The following EDIL3 variants were observed in gnomAD, a reference collection of about 807,000 sequenced individuals.
The protein encoded by EDIL3 is EGF like and discoidin domains 3.
EDIL3 carries 37 observed loss-of-function variants against 67.4 expected under a neutral mutation model. The ratio of observed to expected loss-of-function variants is 0.55; its 90% confidence interval spans 0.42 to 0.72. EDIL3 has a LOEUF of 0.72. EDIL3 is among the 30% of genes least tolerant of loss of function. EDIL3 has a pLI of 0.00. For synonymous variants in EDIL3, 195 were observed against 196.3 expected, an observed-to-expected ratio of 0.99 and a Z score of 0.05; for missense variants, 527 against 586.3, an observed-to-expected ratio of 0.90 and a Z score of 1.04.
At chr5:84,043,011 T>C (rs1267362065) in intron 9 of EDIL3, among the ~76,000 whole-genome samples, 1 of 152,208 alleles carries the variant, frequency 6.6e-6, no homozygotes, top group Non-Finnish European at 1.5e-5. Context: ...AGCATGTGAA[T>C]ATCTGCAGAA....
chr5:84,293,084 C>T (rs996224606), intron 1 of EDIL3, among the ~76,000 whole-genome samples: 6 of 152,132 alleles, frequency 3.9e-5, no homozygotes, highest in African/African-American at 1.4e-4. Flanking sequence ...TGGGCTGACC[C>T]CTCCGCTACA....
At chr5:84,054,516 AT>A (rs1259585563) in intron 9 of EDIL3, among the ~76,000 whole-genome samples, 1 of 152,190 alleles carries the variant, frequency 6.6e-6, no homozygotes, top group Non-Finnish European at 1.5e-5. Context: ...AGGAAGTCAA[AT>A]TGTCCCTGTT....
chr5:84,262,661 T>TTTTTTTTTTTA (rs1745253709), intron 1 of EDIL3, among the ~76,000 whole-genome samples: 1 of 40,658 alleles, frequency 2.5e-5, no homozygotes, highest in South Asian at 1.0e-3. Context: ...GTTGGTTGGT[T>TTTTTTTTTTTA]TTTTTTTTTT....
chr5:84,382,263 G>T (rs908725392), intron 1 of EDIL3, among the ~76,000 whole-genome samples: 1 of 152,240 alleles, frequency 6.6e-6, no homozygotes, highest in Non-Finnish European at 1.5e-5. Flanking sequence ...GAACCAGGAT[G>T]GAGAGTCCAG....
chr5:84,077,770 T>C (rs1232718611), intron 6 of EDIL3, among the ~76,000 whole-genome samples: 1 of 152,076 alleles, frequency 6.6e-6, no homozygotes, highest in Non-Finnish European at 1.5e-5. Context: ...AAATCATATC[T>C]TCTCCCTTCT....
intron 5 of EDIL3, 25 bp from the exon 6 acceptor site, chr5:84,106,855 A>G (rs1747474280): frequency 6.3e-7 from 1 of 1,581,168 alleles, no homozygotes; most frequent in Non-Finnish European, 8.6e-7. Context: ...AGGAAAAAAT[A>G]TGAATGTATT....
At chr5:83,982,393 TTAAA>T (rs1744985330) in intron 9 of EDIL3, among the ~76,000 whole-genome samples, 1 of 152,264 alleles carries the variant, frequency 6.6e-6, no homozygotes, top group South Asian at 2.1e-4. Flanking sequence ...AAGCATTTCA[TTAAA>T]TAGCCTCTTT....
At chr5:84,052,332 C>T (rs1357464739) in intron 9 of EDIL3, among the ~76,000 whole-genome samples, 2 of 152,166 alleles carry the variant, frequency 1.3e-5, no homozygotes, top group Non-Finnish European at 1.5e-5. Context: ...AAAGGAACAA[C>T]CAGTACCAGC....
intron 9 of EDIL3, among the ~76,000 whole-genome samples, chr5:83,975,904 T>A (rs1339441804): frequency 2.6e-5 from 4 of 151,930 alleles, no homozygotes; most frequent in African/African-American, 9.7e-5. Flanking sequence ...GTCTCAAGCT[T>A]CTGGCTTATT....
At chr5:84,253,954 A>T in intron 2 of EDIL3, 130 bp downstream of exon 2, 2 of 850,540 alleles carry the variant, frequency 2.4e-6, no homozygotes, top group Non-Finnish European at 3.3e-6. Context: ...TGAGAATCCT[A>T]CACAAAAGTA....
chr5:84,360,565 A>G (rs1276748024), intron 1 of EDIL3, among the ~76,000 whole-genome samples: 4 of 152,200 alleles, frequency 2.6e-5, no homozygotes, highest in Non-Finnish European at 5.9e-5. Context: ...TAAATAAGGA[A>G]TAAGTAATGC....
chr5:84,132,414 ATATTATATATTTT>A (rs1747996352), intron 5 of EDIL3, among the ~76,000 whole-genome samples: 1 of 118,168 alleles, frequency 8.5e-6, no homozygotes, highest in African/African-American at 3.7e-5. Flanking sequence ...ATTTTAACAT[ATATTATATATTTT>A]ATATATAATA....
chr5:84,370,409 G>T (rs1311549874), intron 1 of EDIL3, among the ~76,000 whole-genome samples: 1 of 152,196 alleles, frequency 6.6e-6, no homozygotes, highest in Non-Finnish European at 1.5e-5. Flanking sequence ...AGGAGGGAAA[G>T]AAGTTATGCT....
At chr5:83,985,492 C>T (rs1398091802) in intron 9 of EDIL3, among the ~76,000 whole-genome samples, 2 of 151,924 alleles carry the variant, frequency 1.3e-5, no homozygotes, top group Non-Finnish European at 2.9e-5. Flanking sequence ...TGGTGCAGTG[C>T]TTGGAAAGCT....
intron 9 of EDIL3, among the ~76,000 whole-genome samples, chr5:83,979,399 A>G (rs1744927323): frequency 6.6e-6 from 1 of 152,110 alleles, no homozygotes; most frequent in Non-Finnish European, 1.5e-5. Flanking sequence ...TGATTCAGGA[A>G]TTGCACTCCT....
At chr5:84,295,844 T>G (rs1746041439) in intron 1 of EDIL3, among the ~76,000 whole-genome samples, 1 of 152,180 alleles carries the variant, frequency 6.6e-6, no homozygotes, top group African/African-American at 2.4e-5. Flanking sequence ...GACATGTTTT[T>G]AATTGATGAA....
chr5:84,046,472 C>T (rs533773671), intron 9 of EDIL3, among the ~76,000 whole-genome samples: 6 of 152,286 alleles, frequency 3.9e-5, no homozygotes, highest in Middle Eastern at 3.4e-3. Flanking sequence ...GCTGAATCCC[C>T]TTTAGACCAC....
chr5:84,267,914 A>G (rs1745381738), intron 1 of EDIL3, among the ~76,000 whole-genome samples: 1 of 152,178 alleles, frequency 6.6e-6, no homozygotes, highest in African/African-American at 2.4e-5. Flanking sequence ...AAGCAGGCAG[A>G]CTACCTGAGC....
chr5:84,190,370 C>T (rs796926655), intron 3 of EDIL3, among the ~76,000 whole-genome samples: 1 of 151,774 alleles, frequency 6.6e-6, no homozygotes, highest in South Asian at 2.1e-4. Flanking sequence ...ACTCACAAGC[C>T]ATTCATTACA....
Sources: allele counts gnomAD v4.1 joint callset (sites outside exome capture counted in the v4.1 genomes callset), GRCh38; gene constraint gnomAD v4.1.1; transcripts MANE v1.5; gene names NCBI Gene and HGNC (gene_info 2026-07-23, HGNC 2026-07-21).